The following LYSMD4 variants were observed in gnomAD, a reference collection of about 807,000 sequenced individuals.
LYSMD4 encodes lysM and putative peptidoglycan-binding domain-containing protein 4.
Under a neutral mutation model 6.1 loss-of-function variants are expected in LYSMD4, and 9 were observed. The observed-to-expected ratio is 1.47, with a 90% CI of 0.88 to 2.56. The LOEUF (loss-of-function observed/expected upper bound fraction) is 2.56, where lower values mean the gene tolerates loss of function less well. Ranked by LOEUF, LYSMD4 falls within the 30% of genes most tolerant of loss-of-function variation. The probability of loss-of-function intolerance (pLI) is 0.00; values close to 1 mark genes in which losing one functional copy is unlikely to be tolerated. For missense variants in LYSMD4, 384 were observed against 373.5 expected (o/e 1.03, Z -0.23); for synonymous variants, 143 against 148.5 (o/e 0.96, Z 0.27).
chr15:99,720,011 T>C (rs1281587974), upstream of LYSMD4, among the ~76,000 whole-genome samples: 1 of 152,224 alleles, frequency 6.6e-6, no homozygotes, highest in Non-Finnish European at 1.5e-5. Flanking sequence ...CATTTTTCTA[T>C]TAGATTTTTT....
At chr15:99,721,042 C>G (rs1036418932), upstream of LYSMD4, 4 of 152,232 alleles carry the variant, frequency 2.6e-5, no homozygotes, top group African/African-American at 7.2e-5. Flanking sequence ...ACCACTGCCC[C>G]CTTTGTCTAA....
intron 2 of LYSMD4, chr15:99,731,297 CAAGT>C (rs773869082): frequency 1.7e-5 from 28 of 1,600,000 alleles, no homozygotes; most frequent in Non-Finnish European, 2.1e-5. Context: ...TACCAAAAGT[CAAGT>C]AAGCTACCAC....
At chr15:99,719,011 G>C (rs113293200), upstream of LYSMD4, among the ~76,000 whole-genome samples, 189 of 152,234 alleles carry the variant, frequency 1.2e-3, no homozygotes, top group African/African-American at 4.4e-3. Context: ...GGATTCATTT[G>C]TAACTTCTTT....
At chr15:99,716,448 C>G (rs961450921) in exon 1 of LYSMD4, 2 of 455,462 alleles carry the variant, frequency 4.4e-6, no homozygotes, top group African/African-American at 4.0e-5. Context: ...CTGTTTGTCT[C>G]CCGCACTCAC....
At position 99,731,487 on chromosome 15, in the gene LYSMD4, T is replaced by C. The variant is rs144081985; in HGVS notation, c.282+231A>G. ...GAAAACAGGAAAAGGAGAAGTTCCC[T>C]GCAGAGAAAGAAATGCGCTAACCCT... On this transcript the variant is annotated intron_variant, in intron 2 of 2. Coordinates refer to ENST00000684762, the MANE Select transcript of LYSMD4 (RefSeq NM_001284417.2). 526 of 1,592,092 alleles carry C rather than the reference T, an allele frequency of 3.3e-4. No homozygotes were observed. In the African/African-American group the frequency reaches 6.1e-3, roughly 18 times the overall value.
In LYSMD4 at chr15:99,727,631, T is replaced by G. The variant is rs2059301947; in HGVS notation, c.*1492A>C. 6.6e-6 allele frequency: 1 copy of G among 152,200 alleles called. No individual in the cohort carries two copies. Among genetic ancestry groups the G allele is most frequent in the Non-Finnish European group, 1.5e-5 (1 of 68,028 alleles). The allele number at this position is 152,200 out of a possible 1,614,324, so 9.4% of individuals were successfully genotyped here. The stretch of plus-strand genomic sequence containing the variant: ...TTTCCTATTGCAGAGATTCAGAAGT[T>G]CTTTTTATCCTGAAGATCATTCTGG... On this transcript the variant is annotated 3_prime_UTR_variant, in exon 3 of 3. Transcript: ENST00000684762.
At chr15:99,733,083 C>T (rs2059460444) in intron 1 of LYSMD4, 1 of 353,666 alleles carries the variant, frequency 2.8e-6, no homozygotes, top group Non-Finnish European at 5.1e-6. Context: ...GGGAGCGGCC[C>T]GGCCCCAGGG....
rs140893433 is a variant in LYSMD4, at chr15:99,731,904, A to G, written c.96T>C (p.Ser32=). The part of the protein sequence containing the change: ...TSHVYMFKNG[S]GDSGDSSEEE... ...CTTCAGAAGAGTCCCCCGAGTCCCC[A>G]CTGCCATTCTTAAACATGTATACGT... Residue 32 remains serine, a synonymous_variant, in exon 2 of 3, where the codon AGT becomes AGC. Transcript: ENST00000684762. 1.3e-3 allele frequency: 2,070 copies of G among 1,613,460 alleles called. 18 individuals are homozygous for G. The Admixed American group carries it at 0.022, about 17-fold the overall frequency.
downstream of LYSMD4, among the ~76,000 whole-genome samples, chr15:99,725,660 C>T (rs1230589132): frequency 3.3e-5 from 5 of 152,104 alleles, no homozygotes; most frequent in African/African-American, 7.2e-5. Context: ...GCGATTCAGG[C>T]AATGGATCTA....
chr15:99,723,637 C>T (rs958403739), downstream of LYSMD4, among the ~76,000 whole-genome samples: 1 of 152,242 alleles, frequency 6.6e-6, no homozygotes, highest in Non-Finnish European at 1.5e-5. Flanking sequence ...CCCTATGGCC[C>T]TGTGGGGCCT....
At chr15:99,720,517 G>A (rs1040915372), upstream of LYSMD4, among the ~76,000 whole-genome samples, 3 of 152,084 alleles carry the variant, frequency 2.0e-5, no homozygotes, top group Non-Finnish European at 4.4e-5. Flanking sequence ...TTATTAGAAA[G>A]ATCATCTTTA....
downstream of LYSMD4, among the ~76,000 whole-genome samples, chr15:99,726,158 T>G (rs1403958117): frequency 3.6e-5 from 5 of 140,206 alleles, no homozygotes; most frequent in African/African-American, 1.3e-4. Context: ...TTTTTTTTTT[T>G]TTTTTTTTTT....
chr15:99,718,614 A>G (rs1354524364), upstream of LYSMD4, among the ~76,000 whole-genome samples: 1 of 152,002 alleles, frequency 6.6e-6, no homozygotes, highest in African/African-American at 2.4e-5. Context: ...TAATCCTGTC[A>G]TTATTTTGCT....
chr15:99,718,432 A>ACT (rs35174188), upstream of LYSMD4, among the ~76,000 whole-genome samples: 83,913 of 151,896 alleles, frequency 0.55, 24,222 homozygotes, highest in Middle Eastern at 0.67. Context: ...ATACCTTGAG[A>ACT]CTGCAGGGTT....
At chr15:99,718,908 C>T (rs916467117), upstream of LYSMD4, among the ~76,000 whole-genome samples, 6 of 71,002 alleles carry the variant, frequency 8.5e-5, no homozygotes, top group Admixed American at 3.5e-4. Context: ...TGTAGTTATG[C>T]GCACACACAC....
chr15:99,719,744 GA>G (rs1425734213), upstream of LYSMD4, among the ~76,000 whole-genome samples: 12 of 152,206 alleles, frequency 7.9e-5, no homozygotes, highest in African/African-American at 2.9e-4. Flanking sequence ...TGGGATTGCT[GA>G]GGGAGTTCAC....
chr15:99,725,013 C>T (rs992053448), downstream of LYSMD4, among the ~76,000 whole-genome samples: 12 of 152,324 alleles, frequency 7.9e-5, no homozygotes, highest in African/African-American at 2.9e-4. Flanking sequence ...TCCACACTCT[C>T]CGAGCCCTGT....
At chr15:99,720,737 C>T (rs1472234773), upstream of LYSMD4, 1 of 152,210 alleles carries the variant, frequency 6.6e-6, no homozygotes, top group Non-Finnish European at 1.5e-5. Context: ...CTTCCTCTCA[C>T]ATTTTCCATT....
downstream of LYSMD4, among the ~76,000 whole-genome samples, chr15:99,723,666 G>A (rs2059254989): frequency 6.6e-6 from 1 of 152,152 alleles, no homozygotes; most frequent in South Asian, 2.1e-4. Context: ...CCCTTCTCTT[G>A]GGAATTACAA....
Sources: gnomAD v4.1 joint callset for allele counts (sites outside exome capture counted in the v4.1 genomes callset) on GRCh38, gnomAD v4.1.1 for gene constraint, MANE v1.5 for transcripts, NCBI Gene and HGNC (gene_info 2026-07-23, HGNC 2026-07-21) for gene names.